RSRC1: variants seen among roughly 807,000 people sequenced by gnomAD.
The protein encoded by RSRC1 is arginine and serine rich coiled-coil 1.
A neutral mutation model predicts 49.1 loss-of-function variants in RSRC1; 39 were observed. The ratio of observed to expected loss-of-function variants is 0.79; its 90% CI spans 0.61 to 1.04. RSRC1 has a LOEUF of 1.04. RSRC1 is among the 50% of genes least tolerant of loss of function. The pLI is 0.00. For missense variants in RSRC1, 388 were observed against 402.4 expected (o/e 0.96, Z 0.31); for synonymous variants, 143 against 130.8 (o/e 1.09, Z -0.63).
chr3:158,240,371 T>A (rs1445364581), intron 4 of RSRC1, among the ~76,000 whole-genome samples: 1 of 152,146 alleles, frequency 6.6e-6, no homozygotes, highest in East Asian at 1.9e-4. Flanking sequence ...TATCAAAGAT[T>A]TTTTTCTATA....
chr3:158,350,029 C>A (rs751120863), intron 5 of RSRC1, among the ~76,000 whole-genome samples: 4 of 151,604 alleles, frequency 2.6e-5, no homozygotes, highest in Non-Finnish European at 5.9e-5. Context: ...TTAATGTCAA[C>A]ACTACCATTT....
intron 2 of RSRC1, 81 bp from the exon 3 acceptor site, chr3:158,123,785 C>G: frequency 7.6e-7 from 1 of 1,309,992 alleles, no homozygotes. Flanking sequence ...TCAGATGATT[C>G]TTTAGAATCT....
intron 7 of RSRC1, among the ~76,000 whole-genome samples, chr3:158,514,848 A>G (rs1740412798): frequency 6.6e-6 from 1 of 152,156 alleles, no homozygotes; most frequent in Admixed American, 6.5e-5. Flanking sequence ...TTCTTGTTGA[A>G]TTGATCCCTT....
intron 4 of RSRC1, among the ~76,000 whole-genome samples, chr3:158,246,136 T>C (rs1002845924): frequency 6.6e-6 from 1 of 151,586 alleles, no homozygotes; most frequent in African/African-American, 2.4e-5. Context: ...CTCAGCAAAC[T>C]ATCGTTAAGA....
chr3:158,385,109 C>T (rs902138196), intron 6 of RSRC1, among the ~76,000 whole-genome samples: 14 of 151,960 alleles, frequency 9.2e-5, no homozygotes, highest in Non-Finnish European at 1.6e-4. Context: ...TAGAACACTC[C>T]GCTATCACTG....
intron 7 of RSRC1, among the ~76,000 whole-genome samples, chr3:158,515,421 T>G (rs1440307159): frequency 1.5e-5 from 2 of 129,192 alleles, no homozygotes; most frequent in East Asian, 4.2e-4. Flanking sequence ...ATGTTGAATA[T>G]TGGCCCCGAC....
At chr3:158,192,689 A>C (rs1720316482) in intron 3 of RSRC1, among the ~76,000 whole-genome samples, 1 of 152,054 alleles carries the variant, frequency 6.6e-6, no homozygotes, top group African/African-American at 2.4e-5. Context: ...TACCTCCTTC[A>C]AGACCTGCAT....
chr3:158,189,221 A>G (rs1578178263), intron 3 of RSRC1, among the ~76,000 whole-genome samples: 1 of 151,922 alleles, frequency 6.6e-6, no homozygotes, highest in Non-Finnish European at 1.5e-5. Flanking sequence ...TGTTGAGGCT[A>G]CCTTCGTGGC....
intron 6 of RSRC1, among the ~76,000 whole-genome samples, chr3:158,377,740 A>C (rs1478018608): frequency 4.6e-5 from 7 of 151,178 alleles, no homozygotes; most frequent in African/African-American, 7.3e-5. Flanking sequence ...GCTCACTGCA[A>C]CCTCCGCCCC....
At chr3:158,535,902 T>C (rs374045490) in intron 7 of RSRC1, among the ~76,000 whole-genome samples, 9 of 151,482 alleles carry the variant, frequency 5.9e-5, no homozygotes, top group African/African-American at 2.2e-4. Context: ...TATTTCACAG[T>C]CACTGAATAG....
chr3:158,166,420 A>C (rs1697012373), intron 3 of RSRC1, among the ~76,000 whole-genome samples: 2 of 152,162 alleles, frequency 1.3e-5, no homozygotes, highest in Admixed American at 1.3e-4. Context: ...CAAGATATAT[A>C]TGCCATTAGA....
chr3:158,479,746 T>A (rs1490196884), intron 7 of RSRC1, among the ~76,000 whole-genome samples: 1 of 152,052 alleles, frequency 6.6e-6, no homozygotes, highest in Non-Finnish European at 1.5e-5. Context: ...AGCACAGATT[T>A]GTTTGAGCAG....
At chr3:158,440,275 G>T (rs368819828) in intron 6 of RSRC1, among the ~76,000 whole-genome samples, 2 of 151,996 alleles carry the variant, frequency 1.3e-5, no homozygotes, top group Non-Finnish European at 2.9e-5. Flanking sequence ...GAAGGATCTC[G>T]TAGGTCATGC....
intron 5 of RSRC1, among the ~76,000 whole-genome samples, chr3:158,351,870 ATAT>A (rs1422452026): frequency 2.1e-5 from 3 of 145,734 alleles, no homozygotes; most frequent in East Asian, 1.9e-4. Context: ...ATTTATATAA[ATAT>A]TATGATATAT....
intron 6 of RSRC1, among the ~76,000 whole-genome samples, chr3:158,367,650 G>A (rs1246950237): frequency 1.3e-5 from 2 of 152,112 alleles, no homozygotes; most frequent in African/African-American, 4.8e-5. Context: ...GATGATGCTG[G>A]CCTCATAAAA....
chr3:158,467,885 A>G (rs929927946), intron 7 of RSRC1, among the ~76,000 whole-genome samples: 3 of 152,250 alleles, frequency 2.0e-5, no homozygotes, highest in Non-Finnish European at 4.4e-5. Flanking sequence ...ACAATTAAAT[A>G]CCAGCACAGA....
chr3:158,222,204 T>A (rs1393549225), intron 4 of RSRC1, among the ~76,000 whole-genome samples: 1 of 151,568 alleles, frequency 6.6e-6, no homozygotes, highest in African/African-American at 2.4e-5. Context: ...ATGCTGATAC[T>A]TGCTAGTAAT....
At chr3:158,192,609 A>T (rs140712098) in intron 3 of RSRC1, among the ~76,000 whole-genome samples, 1 of 152,182 alleles carries the variant, frequency 6.6e-6, no homozygotes, top group African/African-American at 2.4e-5. Context: ...TATAATGGTG[A>T]TAAAAATGTG....
chr3:158,250,544 A>G (rs1724150272), intron 4 of RSRC1, among the ~76,000 whole-genome samples: 2 of 152,092 alleles, frequency 1.3e-5, no homozygotes, highest in African/African-American at 4.8e-5. Context: ...TGTAGTTTGG[A>G]TTTGCTTCTC....
Sources: allele counts gnomAD v4.1 joint callset (sites outside exome capture counted in the v4.1 genomes callset), GRCh38; gene constraint gnomAD v4.1.1; transcripts MANE v1.5; gene names NCBI Gene and HGNC (gene_info 2026-07-23, HGNC 2026-07-21).